DCC: variants seen among roughly 807,000 people sequenced by gnomAD.
The protein encoded by DCC is netrin receptor DCC.
Under a neutral mutation model 172.5 loss-of-function variants are expected in DCC, and 58 were observed. The ratio of observed to expected loss-of-function variants is 0.34; its 90% CI spans 0.27 to 0.42. The LOEUF (loss-of-function observed/expected upper bound fraction) is 0.42, where lower values mean the gene tolerates loss of function less well. DCC is among the 10% of genes least tolerant of loss of function. DCC has a pLI of 1.00. For missense variants in DCC, 1,740 were observed against 1,791.0 expected (o/e 0.97, Z 0.51); for synonymous variants, 709 against 644.5 (o/e 1.10, Z -1.52).
chr18:52,890,783 T>A (rs1818505324), intron 2 of DCC, among the ~76,000 whole-genome samples: 1 of 152,100 alleles, frequency 6.6e-6, no homozygotes, highest in African/African-American at 2.4e-5. Flanking sequence ...TTAAATATCA[T>A]CTCAAATCCC....
intron 7 of DCC, among the ~76,000 whole-genome samples, chr18:53,066,428 T>C: frequency 8.0e-6 from 1 of 125,092 alleles, no homozygotes; most frequent in East Asian, 2.1e-4. Context: ...TGTTTGTGTA[T>C]ATATATATAT....
At chr18:52,728,031 A>T (rs8082879) in intron 1 of DCC, among the ~76,000 whole-genome samples, 1 of 152,090 alleles carries the variant, frequency 6.6e-6, no homozygotes, top group Non-Finnish European at 1.5e-5. Flanking sequence ...CGATAAACAA[A>T]TTTTTTTCCA....
chr18:52,602,066 A>T (rs966853071), intron 1 of DCC, among the ~76,000 whole-genome samples: 1 of 152,138 alleles, frequency 6.6e-6, no homozygotes, highest in Non-Finnish European at 1.5e-5. Flanking sequence ...AGATGAAATA[A>T]GTGTGTACAT....
intron 27 of DCC, among the ~76,000 whole-genome samples, chr18:53,512,828 C>T (rs570655795): frequency 4.6e-5 from 7 of 151,676 alleles, no homozygotes; most frequent in Non-Finnish European, 8.8e-5. Flanking sequence ...ACCAAATCTA[C>T]GTCTGATTGG....
chr18:52,479,909 AT>A (rs200035218), intron 1 of DCC, among the ~76,000 whole-genome samples: 5,714 of 152,118 alleles, frequency 0.038, 138 homozygotes, highest in Non-Finnish European at 0.055. Context: ...GTTCCATGCT[AT>A]TTTTTGATTG....
intron 1 of DCC, among the ~76,000 whole-genome samples, chr18:52,735,101 G>A (rs143114850): frequency 6.6e-6 from 1 of 152,094 alleles, no homozygotes; most frequent in African/African-American, 2.4e-5. Flanking sequence ...TGATACAGAT[G>A]TTCTAATTTT....
chr18:52,979,122 CTT>C (rs1356879347), intron 5 of DCC, among the ~76,000 whole-genome samples: 1 of 152,006 alleles, frequency 6.6e-6, no homozygotes, highest in African/African-American at 2.4e-5. Context: ...TTGAGGGTGA[CTT>C]AGCATAAAAG....
intron 1 of DCC, among the ~76,000 whole-genome samples, chr18:52,550,356 A>C (rs2032734692): frequency 6.6e-6 from 1 of 152,006 alleles, no homozygotes; most frequent in Non-Finnish European, 1.5e-5. Context: ...ATTAAAAAAA[A>C]CAAAACTAAG....
chr18:53,410,557 T>C lies in DCC; in HGVS notation c.3041T>C (p.Leu1014Pro). 1 of 1,605,212 alleles carries C rather than the reference T, an allele frequency of 6.2e-7. No homozygotes were observed. Among genetic ancestry groups the C allele is most frequent in the Non-Finnish European group, 8.5e-7 (1 of 1,171,826 alleles). The change falls in exon 20 of 29, where the codon CTT (leucine) becomes CCT (proline). Residue 1014 changes from leucine (L) to proline (P), a missense_variant. By Grantham distance (98) the Leu-to-Pro change is moderately conservative. Transcript: ENST00000442544. Reference sequence around the variant, plus strand: ...ACTCATCAAATCATGGATCTCAACCTTGATACTATGTATTACTTTCGAATT... The same window carrying C: ...ACTCATCAAATCATGGATCTCAACCCTGATACTATGTATTACTTTCGAATT... ...RLTHQIMDLN[L>P]DTMYYFRIQA... is the part of the protein sequence containing the mutation.
chr18:53,198,446 TC>T (rs2055483171), intron 9 of DCC, among the ~76,000 whole-genome samples: 1 of 151,272 alleles, frequency 6.6e-6, no homozygotes, highest in Admixed American at 6.6e-5. Context: ...TCTCTCTCTC[TC>T]TCTCTCTCAC....
intron 12 of DCC, among the ~76,000 whole-genome samples, chr18:53,236,783 T>C (rs1228650163): frequency 6.6e-6 from 1 of 152,116 alleles, no homozygotes; most frequent in African/African-American, 2.4e-5. Flanking sequence ...AGGTTATTTA[T>C]ATAGGTATCC....
intron 1 of DCC, among the ~76,000 whole-genome samples, chr18:52,347,080 T>C (rs900930783): frequency 6.6e-5 from 10 of 152,204 alleles, no homozygotes; most frequent in African/African-American, 2.4e-4. Flanking sequence ...GACAAACATG[T>C]TCCACTGAAT....
chr18:53,119,984 G>C (rs2043460656), intron 7 of DCC, among the ~76,000 whole-genome samples: 1 of 151,762 alleles, frequency 6.6e-6, no homozygotes, highest in Non-Finnish European at 1.5e-5. Context: ...ATTCAACTTT[G>C]TCCTAGAAAA....
intron 1 of DCC, among the ~76,000 whole-genome samples, chr18:52,500,464 G>A (rs905826631): frequency 1.3e-5 from 2 of 152,112 alleles, no homozygotes; most frequent in African/African-American, 4.8e-5. Context: ...TGGAATAAGT[G>A]AAAAAGAAAC....
At chr18:52,829,258 C>T (rs946078860) in intron 2 of DCC, among the ~76,000 whole-genome samples, 1 of 152,178 alleles carries the variant, frequency 6.6e-6, no homozygotes, top group Non-Finnish European at 1.5e-5. Context: ...AGTTTCTTGT[C>T]TGAGATTTCT....
At chr18:52,463,576 C>A (rs983193574) in intron 1 of DCC, among the ~76,000 whole-genome samples, 3 of 152,166 alleles carry the variant, frequency 2.0e-5, no homozygotes, top group African/African-American at 7.2e-5. Context: ...GGGCATACAA[C>A]TGAGTAGTAA....
At chr18:52,705,653 C>G (rs148119701) in intron 1 of DCC, among the ~76,000 whole-genome samples, 1 of 152,134 alleles carries the variant, frequency 6.6e-6, no homozygotes, top group Admixed American at 6.6e-5. Flanking sequence ...GATCTAAAAA[C>G]ACAGATCTTG....
At chr18:52,579,411 C>T (rs1038409324) in intron 1 of DCC, among the ~76,000 whole-genome samples, 2 of 152,146 alleles carry the variant, frequency 1.3e-5, no homozygotes, top group Non-Finnish European at 2.9e-5. Flanking sequence ...ATGATTTGCC[C>T]TAAATGGCAC....
chr18:53,220,672 G>T (rs2055918074), intron 12 of DCC, among the ~76,000 whole-genome samples: 1 of 152,194 alleles, frequency 6.6e-6, no homozygotes, highest in Non-Finnish European at 1.5e-5. Flanking sequence ...GCTTAACAAT[G>T]ACACTTGTCC....
Sources: gnomAD v4.1 joint callset for allele counts (sites outside exome capture counted in the v4.1 genomes callset) on GRCh38, gnomAD v4.1.1 for gene constraint, MANE v1.5 for transcripts, NCBI Gene and HGNC (gene_info 2026-07-23, HGNC 2026-07-21) for gene names.